The following AKAP7 variants were observed in gnomAD, a reference collection of about 807,000 sequenced individuals.
AKAP7 encodes the protein A-kinase anchoring protein 7, also known as A kinase (PRKA) anchor protein 7.
In AKAP7, 39 loss-of-function variants were observed where a neutral mutation model predicts 39.5. The observed-to-expected ratio is 0.99, with a 90% CI of 0.76 to 1.29. AKAP7 has a LOEUF of 1.29. AKAP7 is among the 50% of genes most tolerant of loss of function. The probability of loss-of-function intolerance (pLI) is 0.00; values close to 1 mark genes in which losing one functional copy is unlikely to be tolerated. For synonymous variants in AKAP7, 140 were observed against 139.1 expected, an observed-to-expected ratio of 1.01 and a Z score of -0.05; for missense variants, 414 against 407.7, an observed-to-expected ratio of 1.02 and a Z score of -0.13.
Position 131,282,484 on chromosome 6 carries a change from A to G in AKAP7, c.*758A>G, listed in dbSNP as rs1435809504. On this transcript the variant is annotated 3_prime_UTR_variant, in exon 8 of 8. Transcript: ENST00000431975. Reference sequence around the variant, plus strand: ...GTCTGAAGTCCAAAGTGAAACAGATAAAGGAACTTTTATTAAAGCCTGAGA... The same window carrying G: ...GTCTGAAGTCCAAAGTGAAACAGATGAAGGAACTTTTATTAAAGCCTGAGA... 3.9e-6 allele frequency: 6 copies of G among 1,535,860 alleles called. No homozygotes were observed. Among genetic ancestry groups the G allele is most frequent in the Non-Finnish European group, 3.5e-6 (4 of 1,146,760 alleles).
chr6:131,201,284 A>G (rs1014947822), intron 6 of AKAP7, among the ~76,000 whole-genome samples: 1 of 152,134 alleles, frequency 6.6e-6, no homozygotes, highest in Non-Finnish European at 1.5e-5. Context: ...AATTAAGTAA[A>G]TATGTATTGA....
At chr6:131,237,831 T>A (rs1196549059) in intron 7 of AKAP7, among the ~76,000 whole-genome samples, 2 of 152,206 alleles carry the variant, frequency 1.3e-5, no homozygotes, top group African/African-American at 4.8e-5. Flanking sequence ...AGTCTATCAA[T>A]TTTGTTGATC....
At chr6:131,191,947 A>T (rs1806451926) in intron 5 of AKAP7, among the ~76,000 whole-genome samples, 1 of 147,904 alleles carries the variant, frequency 6.8e-6, no homozygotes. Context: ...GCTAATTTTC[A>T]TATCTTTTTG....
At chr6:131,262,610 TTTA>T (rs1294553484) in intron 7 of AKAP7, among the ~76,000 whole-genome samples, 15 of 142,980 alleles carry the variant, frequency 1.0e-4, no homozygotes, top group Admixed American at 8.5e-4. Flanking sequence ...AGAAATAATT[TTTA>T]AAAAAATATA....
At chr6:131,207,318 A>AT (rs397830207) in intron 6 of AKAP7, among the ~76,000 whole-genome samples, 44,484 of 139,842 alleles carry the variant, frequency 0.32, 7,690 homozygotes, top group Middle Eastern at 0.42. Context: ...TACTCTACAC[A>AT]TTTTTTTTTT....
intron 1 of AKAP7, among the ~76,000 whole-genome samples, chr6:131,141,241 G>A (rs897817937): frequency 6.6e-6 from 1 of 152,108 alleles, no homozygotes; most frequent in African/African-American, 2.4e-5. Context: ...GAATGGCTTG[G>A]TGCCCTCCCT....
intron 2 of AKAP7, among the ~76,000 whole-genome samples, chr6:131,148,424 C>T (rs1278586095): frequency 6.6e-6 from 1 of 151,906 alleles, no homozygotes; most frequent in Admixed American, 6.6e-5. Flanking sequence ...GTTTTGGTTA[C>T]TTCATTATCT....
At chr6:131,156,439 A>T (rs1452446028) in intron 2 of AKAP7, among the ~76,000 whole-genome samples, 7 of 151,986 alleles carry the variant, frequency 4.6e-5, no homozygotes, top group Non-Finnish European at 1.0e-4. Flanking sequence ...GGAGTTCAAG[A>T]CCAGCCTGGG....
chr6:131,184,960 G>C, intron 5 of AKAP7: 1 of 783,930 alleles, frequency 1.3e-6, no homozygotes, highest in South Asian at 1.4e-5. Context: ...TTTCCCCGAT[G>C]CTTGGGAGCA....
intron 5 of AKAP7, among the ~76,000 whole-genome samples, chr6:131,180,904 T>G (rs1464847798): frequency 6.6e-6 from 1 of 152,018 alleles, no homozygotes; most frequent in African/African-American, 2.4e-5. Flanking sequence ...CTCTTTTTTC[T>G]TTAAGCATTT....
At chr6:131,140,382 C>T (rs1800930339) in intron 1 of AKAP7, among the ~76,000 whole-genome samples, 3 of 152,130 alleles carry the variant, frequency 2.0e-5, no homozygotes, top group South Asian at 2.1e-4. Context: ...CACTTGCTCT[C>T]TAATTGTTGG....
At position 131,281,622 on chromosome 6, in the gene AKAP7, T is replaced by C; in HGVS notation, c.943T>C (p.Tyr315His). ...ENAVLKAVQQ[Y>H]LEETQNKNKP... is the part of the protein sequence containing the mutation. ...CGCGGTGCTCAAGGCTGTCCAGCAGTATCTGGAGGAAACACAGAATAAAAA... is the reference window on the plus strand; with the variant it reads ...CGCGGTGCTCAAGGCTGTCCAGCAGCATCTGGAGGAAACACAGAATAAAAA... The change falls in exon 8 of 8, where the codon TAT becomes CAT. Residue 315 changes from tyrosine (Y) to histidine (H), a missense_variant. Transcript: ENST00000431975. This position sits in a 1 kb window ranked among gnomAD's most constrained non-coding sequence, Gnocchi z 4.0. The C allele has an allele frequency of 1.2e-6, 2 of 1,613,270 alleles. No individual in the cohort carries two copies. The highest frequency in any genetic ancestry group is 1.7e-6 in the Non-Finnish European group (2 of 1,179,706).
At chr6:131,147,700 T>C (rs1362419567) in intron 2 of AKAP7, among the ~76,000 whole-genome samples, 4 of 152,258 alleles carry the variant, frequency 2.6e-5, no homozygotes. Flanking sequence ...AGGCTTCTCA[T>C]GAATAGCCAT....
At chr6:131,207,890 C>T (rs1446193209) in intron 6 of AKAP7, among the ~76,000 whole-genome samples, 2 of 152,068 alleles carry the variant, frequency 1.3e-5, no homozygotes, top group Non-Finnish European at 2.9e-5. Flanking sequence ...TTGATTATTC[C>T]AGACAAAACT....
At chr6:131,137,920 T>C (rs1256893869) in intron 1 of AKAP7, among the ~76,000 whole-genome samples, 1 of 152,266 alleles carries the variant, frequency 6.6e-6, no homozygotes, top group East Asian at 1.9e-4. Context: ...TTGTAAATCA[T>C]AGAGCATATG....
intron 7 of AKAP7, among the ~76,000 whole-genome samples, chr6:131,231,856 T>A (rs140239829): frequency 6.6e-6 from 1 of 152,358 alleles, no homozygotes; most frequent in African/African-American, 2.4e-5. Context: ...CTTTATATGT[T>A]TCTTTGATGA....
At chr6:131,127,806 A>C in the AKAP7 span, among the ~76,000 whole-genome samples, 1 of 152,260 alleles carries the variant, frequency 6.6e-6, no homozygotes, top group Admixed American at 6.5e-5. Flanking sequence ...CTGCATAAAG[A>C]AAATATAGTA....
At chr6:131,184,371 A>T (rs1805602939) in intron 5 of AKAP7, 6 of 658,092 alleles carry the variant, frequency 9.1e-6, no homozygotes, top group South Asian at 8.2e-5. Flanking sequence ...CTCCTTCAAC[A>T]GGTCCAGACA....
chr6:131,189,587 T>C (rs1002063841), intron 5 of AKAP7, among the ~76,000 whole-genome samples: 9 of 152,170 alleles, frequency 5.9e-5, no homozygotes, highest in Admixed American at 1.3e-4. Context: ...CATTTTAAGA[T>C]TATTATGTAA....
Sources: allele counts gnomAD v4.1 joint callset (sites outside exome capture counted in the v4.1 genomes callset), GRCh38; gene constraint gnomAD v4.1.1; non-coding constraint Gnocchi (gnomAD v3.1); transcripts MANE v1.5; gene names NCBI Gene and HGNC (gene_info 2026-07-23, HGNC 2026-07-21).